HOPX: variants seen among roughly 807,000 people sequenced by gnomAD.
HOPX encodes homeodomain-only protein.
A neutral mutation model predicts 11.8 loss-of-function variants in HOPX; 5 were observed. The ratio of observed to expected loss-of-function variants is 0.43; its 90% CI spans 0.22 to 0.89. HOPX has a LOEUF of 0.89. HOPX is among the 40% of genes least tolerant of loss of function. The pLI, the probability that HOPX is intolerant of heterozygous loss-of-function variation, is 0.28. For synonymous variants in HOPX, 49 were observed against 49.7 expected (o/e 0.99, Z 0.06); for missense variants, 119 against 120.0 (o/e 0.99, Z 0.04).
rs191467095 is a variant in HOPX, at chr4:56,650,854, A to G, written c.199-2057T>C. The G allele has an allele frequency of 1.2e-5, 18 of 1,505,822 alleles. No individual in the cohort carries two copies. The Admixed American group carries it at 2.7e-4, about 22-fold the overall frequency. 93.3% of individuals were successfully genotyped at this position (1,505,822 alleles called of 1,614,324 possible). ...AACTCATGTAACTTTGGCAGCTTCA[A>G]TCGAAATTCTACTGCTAAGGGTGGG... On this transcript the variant is annotated intron_variant, in intron 3 of 3. Coordinates refer to ENST00000420433, the MANE Select transcript of HOPX (RefSeq NM_032495.6).
intron 3 of HOPX, chr4:56,650,126 G>A (rs925243234): frequency 1.3e-5 from 2 of 154,998 alleles, no homozygotes; most frequent in African/African-American, 4.8e-5. Flanking sequence ...CTGCCAACAG[G>A]AAGCTCTAGA....
intron 3 of HOPX, chr4:56,650,406 C>A (rs1253474124): frequency 1.1e-5 from 4 of 353,482 alleles, no homozygotes; most frequent in Non-Finnish European, 2.1e-5. Flanking sequence ...TATACAGATA[C>A]TCAGAATGAA....
intron 3 of HOPX, chr4:56,650,734 G>T: frequency 1.3e-6 from 2 of 1,551,654 alleles, no homozygotes; most frequent in Middle Eastern, 3.3e-4. Flanking sequence ...AAGCACGGCA[G>T]ACTATCATGG....
chr4:56,671,917 T>A (rs577646752), intron 1 of HOPX, among the ~76,000 whole-genome samples: 2 of 152,116 alleles, frequency 1.3e-5, no homozygotes, highest in Non-Finnish European at 2.9e-5. Flanking sequence ...CTATTGAAGC[T>A]ATTAACCTGC....
chr4:56,678,074 T>C (rs559928582), intron 1 of HOPX, among the ~76,000 whole-genome samples: 1 of 151,796 alleles, frequency 6.6e-6, no homozygotes, highest in South Asian at 2.1e-4. Flanking sequence ...TTCTTCTAGT[T>C]TGCTGCCCCG....
chr4:56,657,793 G>C lies in HOPX; in HGVS notation c.24C>G (p.Tyr8Ter). Residue 8 changes from tyrosine (Y) to a stop codon, truncating the protein, a stop_gained, in exon 2 of 4, where the codon TAC (tyrosine) becomes TAG (stop). Transcript: ENST00000420433. LOFTEE classifies it high-confidence loss of function. MLIFLGC[Y>*]RRRLEERAGT... ...AAATTACCTCTTCCAGTCTTCTTCT[G>C]TAACAGCCCAGGAAAATGAGCATAG... 1 of 1,356,184 alleles carries C rather than the reference G, an allele frequency of 7.4e-7. No individual in the cohort carries two copies. Among genetic ancestry groups the C allele is most frequent in the Admixed American group, 2.0e-5 (1 of 50,756 alleles). The allele number at this position is 1,356,184 out of a possible 1,614,324, so 84.0% of individuals were successfully genotyped here.
At chr4:56,660,320 C>T (rs750597886) in intron 1 of HOPX, among the ~76,000 whole-genome samples, 8 of 152,184 alleles carry the variant, frequency 5.3e-5, no homozygotes, top group Non-Finnish European at 1.0e-4. Flanking sequence ...AAATACATAG[C>T]ATCATTGCTA....
At chr4:56,656,275 C>G (rs1348874934) in intron 2 of HOPX, 21 of 1,162,918 alleles carry the variant, frequency 1.8e-5, no homozygotes, top group Admixed American at 4.8e-5. Context: ...CCCCCCGGGA[C>G]CCCTTGCAGG....
rs1719307156 is a variant in HOPX at position 56,681,251 on chromosome 4, T to C, written c.-84+4A>G. The C allele has an allele frequency of 1.0e-6, 1 of 985,314 alleles. No individual in the cohort carries two copies. Among genetic ancestry groups the C allele is most frequent in the African/African-American group, 1.7e-5 (1 of 57,236 alleles). The allele number at this position is 985,314 out of a possible 1,614,324, so 61.0% of individuals were successfully genotyped here. ...TAAAAGGCAGACCTTTGAAAGGTACTTACGTGGAAGAGGCAAAGGCAAGCG... is the reference window on the plus strand; with the variant it reads ...TAAAAGGCAGACCTTTGAAAGGTACCTACGTGGAAGAGGCAAAGGCAAGCG... On this transcript the variant is annotated splice_donor_region_variant and intron_variant, in intron 1 of 3. Coordinates refer to ENST00000420433, the MANE Select transcript of HOPX (RefSeq NM_032495.6).
intron 3 of HOPX, among the ~76,000 whole-genome samples, chr4:56,655,373 C>A (rs922286868): frequency 3.3e-5 from 5 of 152,158 alleles, no homozygotes; most frequent in Non-Finnish European, 7.3e-5. Flanking sequence ...TCCTGGTTCG[C>A]CAAACCGGAG....
chr4:56,653,949 G>T (rs1219818304), intron 3 of HOPX, among the ~76,000 whole-genome samples: 2 of 152,186 alleles, frequency 1.3e-5, no homozygotes, highest in Admixed American at 6.5e-5. Context: ...CTTGAGGAAA[G>T]GTTGAATATA....
intron 3 of HOPX, 38 bp from the exon 4 acceptor site, chr4:56,648,835 C>T (rs772604180): frequency 5.3e-6 from 8 of 1,511,596 alleles, no homozygotes; most frequent in South Asian, 2.3e-5. Flanking sequence ...TTGTCACATA[C>T]AGAAAAACTG....
At chr4:56,653,836 A>C (rs1264567329) in intron 3 of HOPX, among the ~76,000 whole-genome samples, 1 of 152,216 alleles carries the variant, frequency 6.6e-6, no homozygotes, top group Non-Finnish European at 1.5e-5. Context: ...TGCTATGCAG[A>C]GGTCTGAATT....
At chr4:56,670,293 A>G (rs982787595) in intron 1 of HOPX, among the ~76,000 whole-genome samples, 4 of 152,242 alleles carry the variant, frequency 2.6e-5, no homozygotes, top group African/African-American at 9.6e-5. Flanking sequence ...AAATTGTATT[A>G]TCAAATCTCT....
chr4:56,667,586 C>T (rs1448130625), intron 1 of HOPX, among the ~76,000 whole-genome samples: 1 of 152,178 alleles, frequency 6.6e-6, no homozygotes, highest in African/African-American at 2.4e-5. Context: ...AGATTCCTAT[C>T]CTACATATTC....
At chr4:56,669,863 A>G (rs975872980) in intron 1 of HOPX, among the ~76,000 whole-genome samples, 1 of 152,118 alleles carries the variant, frequency 6.6e-6, no homozygotes, top group Non-Finnish European at 1.5e-5. Flanking sequence ...GATAAGCAAA[A>G]TGCAGGTCTG....
intron 1 of HOPX, among the ~76,000 whole-genome samples, chr4:56,666,292 T>G (rs1465154345): frequency 6.6e-6 from 1 of 152,214 alleles, no homozygotes; most frequent in Non-Finnish European, 1.5e-5. Flanking sequence ...AAAGGCTGGC[T>G]TCAACCAGAC....
intron 1 of HOPX, among the ~76,000 whole-genome samples, chr4:56,669,243 G>T (rs777859188): frequency 6.6e-6 from 1 of 151,938 alleles, no homozygotes; most frequent in East Asian, 1.9e-4. Flanking sequence ...CTGATTTGCT[G>T]AACACTTTGT....
upstream of HOPX, chr4:56,681,560 A>G (rs1456361085): frequency 4.0e-6 from 4 of 1,000,116 alleles, no homozygotes; most frequent in Admixed American, 1.8e-4. Flanking sequence ...CTAGCCAAGC[A>G]AGCTTCTTCA....
Sources: allele counts gnomAD v4.1 joint callset (sites outside exome capture counted in the v4.1 genomes callset), GRCh38; gene constraint gnomAD v4.1.1; transcripts MANE v1.5; gene names NCBI Gene and HGNC (gene_info 2026-07-23, HGNC 2026-07-21).